Variants in PRKN observed in about 807,000 individuals in gnomAD.
PRKN encodes E3 ubiquitin-protein ligase parkin.
In PRKN, 56 loss-of-function variants were observed where a neutral mutation model predicts 59.5. The observed-to-expected ratio is 0.94, with a 90% confidence interval of 0.76 to 1.18. The LOEUF (loss-of-function observed/expected upper bound fraction) is 1.18, where lower values mean the gene tolerates loss of function less well. PRKN is among the 50% of genes most tolerant of loss of function. The pLI is 0.00. For missense variants in PRKN, 657 were observed against 596.4 expected, an observed-to-expected ratio of 1.10 and a Z score of -1.06; for synonymous variants, 250 against 222.1, an observed-to-expected ratio of 1.13 and a Z score of -1.12.
chr6:162,215,254 C>T (rs930140678), intron 3 of PRKN, among the ~76,000 whole-genome samples: 2 of 152,052 alleles, frequency 1.3e-5, no homozygotes, highest in South Asian at 2.1e-4. Context: ...TTGCATTCTC[C>T]CTGGTGTTGA....
intron 1 of PRKN, among the ~76,000 whole-genome samples, chr6:162,545,463 G>C (rs1458780225): frequency 6.6e-6 from 1 of 152,068 alleles, no homozygotes; most frequent in African/African-American, 2.4e-5. Flanking sequence ...AGGATTTTAG[G>C]TGGTGCAAGT....
At position 161,874,272 on chromosome 6, in the gene PRKN, A is replaced by ATTAC. The variant is rs1562354624; in HGVS notation, c.735-88365_735-88364insGTAA. Among the ~76,000 whole-genome samples, 29 of 26,578 alleles carry ATTAC rather than the reference A, an allele frequency of 1.1e-3. 9 individuals are homozygous for ATTAC. Among genetic ancestry groups the ATTAC allele is most frequent in the African/African-American group, 2.2e-3 (16 of 7,300 alleles). 17.4% of individuals were successfully genotyped at this position (26,578 alleles called of 152,430 possible). A position where few individuals can be genotyped will look rare whatever the true frequency, so the allele number is the denominator to read the frequency against. On this transcript the variant is annotated intron_variant, in intron 6 of 11. Coordinates refer to ENST00000366898, the MANE Select transcript of PRKN (RefSeq NM_004562.3). Reference sequence around the variant, plus strand: ...AATATATATTATATGTAAAATATATAATATATATTATATATTATATATTAC... The same window carrying ATTAC: ...AATATATATTATATGTAAAATATATATTACATATATATTATATATTATATATTAC...
chr6:161,541,714 A>G (rs148337746), intron 9 of PRKN, among the ~76,000 whole-genome samples: 2,325 of 152,174 alleles, frequency 0.015, 61 homozygotes, highest in African/African-American at 0.052. Flanking sequence ...CCAGCTACTC[A>G]GGAGGCTGAG....
intron 1 of PRKN, among the ~76,000 whole-genome samples, chr6:162,573,990 A>C (rs911484160): frequency 3.9e-5 from 6 of 152,166 alleles, no homozygotes; most frequent in African/African-American, 1.4e-4. Flanking sequence ...AGAGTTTAAA[A>C]AGGGAGAACT....
At chr6:162,252,857 C>G (rs540441829) in intron 3 of PRKN, among the ~76,000 whole-genome samples, 1 of 152,340 alleles carries the variant, frequency 6.6e-6, no homozygotes, top group South Asian at 2.1e-4. Flanking sequence ...ACTATATTTC[C>G]CATTTTCAAA....
intron 2 of PRKN, among the ~76,000 whole-genome samples, chr6:162,295,740 A>G (rs891963656): frequency 6.6e-6 from 1 of 152,160 alleles, no homozygotes; most frequent in African/African-American, 2.4e-5. Context: ...ATAATTCTAG[A>G]GCAAAGTGGG....
intron 1 of PRKN, among the ~76,000 whole-genome samples, chr6:162,534,111 A>C (rs1778621622): frequency 6.6e-6 from 1 of 152,182 alleles, no homozygotes; most frequent in African/African-American, 2.4e-5. Context: ...TGGGGCATGC[A>C]AAACAAACCA....
chr6:162,577,429 G>A (rs1293285470), intron 1 of PRKN, among the ~76,000 whole-genome samples: 5 of 151,658 alleles, frequency 3.3e-5, no homozygotes, highest in South Asian at 4.2e-4. Flanking sequence ...GTGAAACCCC[G>A]TCTCTACTAA....
chr6:162,156,363 T>C (rs957141774), intron 4 of PRKN, among the ~76,000 whole-genome samples: 2 of 152,086 alleles, frequency 1.3e-5, no homozygotes, highest in African/African-American at 2.4e-5. Flanking sequence ...AATCCCACAA[T>C]AGGCCATCTG....
intron 7 of PRKN, among the ~76,000 whole-genome samples, chr6:161,657,420 C>T (rs1047183730): frequency 6.6e-6 from 1 of 152,188 alleles, no homozygotes; most frequent in African/African-American, 2.4e-5. Flanking sequence ...TAGGATCCTG[C>T]TCCACATCTC....
chr6:162,223,604 A>G (rs542194193), intron 3 of PRKN, among the ~76,000 whole-genome samples: 14 of 149,304 alleles, frequency 9.4e-5, no homozygotes, highest in Non-Finnish European at 2.1e-4. Context: ...TATTCCAAAT[A>G]GACACGTGAC....
At chr6:162,222,433 A>C (rs1003969793) in intron 3 of PRKN, among the ~76,000 whole-genome samples, 1 of 152,178 alleles carries the variant, frequency 6.6e-6, no homozygotes, top group African/African-American at 2.4e-5. Flanking sequence ...GATGTGAACT[A>C]TCATGCTGAG....
chr6:162,110,739 AC>A (rs1780394696), intron 4 of PRKN, among the ~76,000 whole-genome samples: 1 of 152,128 alleles, frequency 6.6e-6, no homozygotes, highest in Admixed American at 6.6e-5. Flanking sequence ...CAAGGGAGAG[AC>A]TTTATCAGAT....
chr6:162,125,604 C>T (rs1296994037), intron 4 of PRKN, among the ~76,000 whole-genome samples: 1 of 152,160 alleles, frequency 6.6e-6, no homozygotes, highest in Admixed American at 6.5e-5. Context: ...TGTCTTTACC[C>T]ACCCAACTAC....
At chr6:162,717,455 G>A (rs2128239819) in intron 1 of PRKN, among the ~76,000 whole-genome samples, 1 of 151,748 alleles carries the variant, frequency 6.6e-6, no homozygotes, top group South Asian at 2.1e-4. Context: ...AGGTTGGCAT[G>A]CACCTATAGT....
At position 161,593,654 on chromosome 6, in the gene PRKN, G is replaced by C. The variant is rs1192006750; in HGVS notation, c.872-24238C>G. Reference sequence around the variant, plus strand: ...GCTGCCACTTTTATCCTGAGGAACCGGCTGGACAGTGGTGCCTTCTACTGA... The same window carrying C: ...GCTGCCACTTTTATCCTGAGGAACCCGCTGGACAGTGGTGCCTTCTACTGA... On this transcript the variant is annotated intron_variant, in intron 7 of 11. Coordinates refer to ENST00000366898, the MANE Select transcript of PRKN (RefSeq NM_004562.3). The surrounding 1 kb of genome is among the most constrained non-coding windows in gnomAD (Gnocchi z 4.8). Among the ~76,000 whole-genome samples, 2 of 152,198 alleles carry C rather than the reference G, an allele frequency of 1.3e-5. No individual in the cohort carries two copies. The highest frequency in any genetic ancestry group is 2.9e-5 in the Non-Finnish European group (2 of 68,040).
chr6:162,567,753 T>C (rs1180568226), intron 1 of PRKN, among the ~76,000 whole-genome samples: 1 of 152,012 alleles, frequency 6.6e-6, no homozygotes, highest in Non-Finnish European at 1.5e-5. Flanking sequence ...TTCTGGGAAA[T>C]AGAAAAAAGA....
chr6:162,392,146 CA>C (rs558240602), intron 2 of PRKN, among the ~76,000 whole-genome samples: 9 of 144,334 alleles, frequency 6.2e-5, no homozygotes, highest in Admixed American at 1.4e-4. Flanking sequence ...AAATCTTTTA[CA>C]AAAAAAAAAG....
At chr6:162,568,940 G>A in intron 1 of PRKN, 4 of 666,156 alleles carry the variant, frequency 6.0e-6, no homozygotes, top group Admixed American at 2.0e-5. Flanking sequence ...AGGTAGAGCT[G>A]TAGTCTCAGC....
Sources: gnomAD v4.1 joint callset for allele counts (sites outside exome capture counted in the v4.1 genomes callset) on GRCh38, gnomAD v4.1.1 for gene constraint, Gnocchi (gnomAD v3.1) non-coding constraint, MANE v1.5 for transcripts, NCBI Gene and HGNC (gene_info 2026-07-23, HGNC 2026-07-21) for gene names.